LEMD3: variants seen among roughly 807,000 people sequenced by gnomAD.
The protein encoded by LEMD3 is inner nuclear membrane protein Man1.
Under a neutral mutation model 95.2 loss-of-function variants are expected in LEMD3, and 33 were observed. The ratio of observed to expected loss-of-function variants is 0.35; its 90% CI spans 0.26 to 0.46. The LOEUF (loss-of-function observed/expected upper bound fraction) is 0.46, where lower values mean the gene tolerates loss of function less well. LEMD3 is among the 20% of genes least tolerant of loss of function. LEMD3 has a pLI of 1.00. For synonymous variants in LEMD3, 525 were observed against 474.6 expected (o/e 1.11, Z -1.38); for missense variants, 1,210 against 1,192.8 (o/e 1.01, Z -0.21).
chr12:65,185,443 TA>T (rs1869032503), intron 1 of LEMD3, among the ~76,000 whole-genome samples: 1 of 152,126 alleles, frequency 6.6e-6, no homozygotes, highest in Non-Finnish European at 1.5e-5. Context: ...GAAGACCTAA[TA>T]AATAATTTGC....
At chr12:65,194,072 T>C (rs1018875297) in intron 1 of LEMD3, among the ~76,000 whole-genome samples, 1 of 152,168 alleles carries the variant, frequency 6.6e-6, no homozygotes, top group Non-Finnish European at 1.5e-5. Context: ...CCAAGTTATG[T>C]GAACTTTAAA....
chr12:65,196,635 C>T (rs903475356), intron 1 of LEMD3, among the ~76,000 whole-genome samples: 1 of 152,034 alleles, frequency 6.6e-6, no homozygotes, highest in Non-Finnish European at 1.5e-5. Flanking sequence ...CCTGCTAGAC[C>T]CAATATAGTC....
At chr12:65,207,520 A>G (rs976355649) in intron 1 of LEMD3, among the ~76,000 whole-genome samples, 3 of 152,136 alleles carry the variant, frequency 2.0e-5, no homozygotes, top group Non-Finnish European at 4.4e-5. Context: ...TGAACCTTCA[A>G]GGCAAATTGG....
chr12:65,228,329 TA>T (rs1320738192), intron 4 of LEMD3, among the ~76,000 whole-genome samples: 1 of 151,774 alleles, frequency 6.6e-6, no homozygotes, highest in Non-Finnish European at 1.5e-5. Flanking sequence ...TATATCTACT[TA>T]AAAAAAGATA....
chr12:65,190,793 C>G (rs757627849), intron 1 of LEMD3, among the ~76,000 whole-genome samples: 7 of 152,124 alleles, frequency 4.6e-5, no homozygotes, highest in Non-Finnish European at 8.8e-5. Context: ...ACTTTTTGGT[C>G]TACATTGTAT....
chr12:65,207,506 G>A (rs796992160), intron 1 of LEMD3, among the ~76,000 whole-genome samples: 3 of 152,188 alleles, frequency 2.0e-5, no homozygotes, highest in African/African-American at 7.2e-5. Flanking sequence ...GCATAGCTGC[G>A]AACTGAACCT....
At chr12:65,243,914 C>CTGT (rs1429159255) in intron 10 of LEMD3, among the ~76,000 whole-genome samples, 1 of 152,162 alleles carries the variant, frequency 6.6e-6, no homozygotes, top group African/African-American at 2.4e-5. Context: ...CTACAAAGTC[C>CTGT]TGTCTCCACT....
intron 1 of LEMD3, among the ~76,000 whole-genome samples, chr12:65,192,337 C>T (rs12312083): frequency 0.03 from 4,619 of 152,232 alleles, 234 homozygotes; most frequent in African/African-American, 0.11. Context: ...TTCTACATGT[C>T]TACAGTTTTC....
At chr12:65,172,730 C>CTTT (rs201891713) in intron 1 of LEMD3, among the ~76,000 whole-genome samples, 2 of 139,332 alleles carry the variant, frequency 1.4e-5, no homozygotes, top group Non-Finnish European at 1.6e-5. Context: ...TTTTTCTTTT[C>CTTT]TTTTTTTTTT....
At chr12:65,193,782 A>AG (rs1166703223) in intron 1 of LEMD3, among the ~76,000 whole-genome samples, 1 of 75,116 alleles carries the variant, frequency 1.3e-5, no homozygotes, top group African/African-American at 5.6e-5. Context: ...GTGTTGGGGG[A>AG]GGGGGCCTCT....
At position 65,240,102 on chromosome 12, in the gene LEMD3, G is replaced by T. The variant is rs200818805; in HGVS notation, c.2024-34G>T. 3.0e-4 allele frequency: 97 copies of T among 326,682 alleles called. No individual in the cohort carries two copies. In the East Asian group the frequency reaches 7.3e-3, roughly 25 times the overall value. 20.2% of individuals were successfully genotyped at this position (326,682 alleles called of 1,614,324 possible). ...ATGATTAAACTACATTATGTCAAGT[G>T]ATTGATTCATTTGTAAATTTTATTT... On this transcript the variant is annotated intron_variant, in intron 7 of 12. Coordinates refer to ENST00000308330, the MANE Select transcript of LEMD3 (RefSeq NM_014319.5).
chr12:65,202,011 C>CTT (rs534109719), intron 1 of LEMD3, among the ~76,000 whole-genome samples: 5 of 131,670 alleles, frequency 3.8e-5, no homozygotes, highest in Admixed American at 7.6e-5. Flanking sequence ...GGGTATTGAA[C>CTT]TTTTTTTTTT....
At chr12:65,240,832 A>G (rs1051505529) in intron 8 of LEMD3, 77 bp from the exon 9 acceptor site, 90 of 1,276,614 alleles carry the variant, frequency 7.0e-5, no homozygotes, top group Non-Finnish European at 9.5e-5. Context: ...AGAGTTAACT[A>G]TTACCTCAGA....
At chr12:65,201,475 C>T (rs1307450440) in intron 1 of LEMD3, among the ~76,000 whole-genome samples, 1 of 152,130 alleles carries the variant, frequency 6.6e-6, no homozygotes, top group African/African-American at 2.4e-5. Context: ...TATCTTTGAT[C>T]AGAGTTTTGT....
At chr12:65,182,891 T>C (rs992040936) in intron 1 of LEMD3, among the ~76,000 whole-genome samples, 10 of 152,196 alleles carry the variant, frequency 6.6e-5, no homozygotes, top group Non-Finnish European at 1.5e-5. Context: ...GTTCTTCAGC[T>C]AGTTTGTAAG....
intron 4 of LEMD3, among the ~76,000 whole-genome samples, chr12:65,233,676 C>A (rs1427308989): frequency 3.3e-5 from 5 of 152,090 alleles, no homozygotes; most frequent in Non-Finnish European, 2.9e-5. Flanking sequence ...CATAAACTAT[C>A]CATATTAGGT....
At chr12:65,215,939 G>A in intron 2 of LEMD3, 38 bp from the exon 3 acceptor site, 1 of 584,816 alleles carries the variant, frequency 1.7e-6, no homozygotes, top group Non-Finnish European at 2.8e-6. Flanking sequence ...TTTTTTTCTT[G>A]TAATTGGGTA....
At chr12:65,175,730 T>G (rs1244823286) in intron 1 of LEMD3, among the ~76,000 whole-genome samples, 1 of 152,226 alleles carries the variant, frequency 6.6e-6, no homozygotes, top group Non-Finnish European at 1.5e-5. Flanking sequence ...TGTCATTATC[T>G]TCCAGTTTTG....
At chr12:65,177,618 A>C (rs1868764131) in intron 1 of LEMD3, among the ~76,000 whole-genome samples, 1 of 152,164 alleles carries the variant, frequency 6.6e-6, no homozygotes, top group Non-Finnish European at 1.5e-5. Flanking sequence ...GAGTACTAGT[A>C]CTGTTTACTA....
Sources: gnomAD v4.1 joint callset for allele counts (sites outside exome capture counted in the v4.1 genomes callset) on GRCh38, gnomAD v4.1.1 for gene constraint, MANE v1.5 for transcripts, NCBI Gene and HGNC (gene_info 2026-07-23, HGNC 2026-07-21) for gene names.